The following SGPP2 variants were observed in gnomAD, a reference collection of about 807,000 sequenced individuals.
SGPP2 encodes sphingosine-1-phosphate phosphatase 2.
A neutral mutation model predicts 33.9 loss-of-function variants in SGPP2; 30 were observed. The ratio of observed to expected loss-of-function variants is 0.89; its 90% CI spans 0.66 to 1.20. SGPP2 has a LOEUF of 1.20. Ranked by LOEUF, SGPP2 falls within the 50% of genes most tolerant of loss-of-function variation. The pLI, the probability that SGPP2 is intolerant of heterozygous loss-of-function variation, is 0.00. For missense variants in SGPP2, 458 were observed against 532.1 expected, an observed-to-expected ratio of 0.86 and a Z score of 1.37; for synonymous variants, 233 against 225.0, an observed-to-expected ratio of 1.04 and a Z score of -0.32.
rs113270080 is a variant in SGPP2, at chr2:222,435,484, C to T, written c.219+10663C>T. On this transcript the variant is annotated intron_variant, in intron 1 of 4. Coordinates refer to ENST00000321276, the MANE Select transcript of SGPP2 (RefSeq NM_152386.4). ...CACTCAGTATTAACCATCACAAGTC[C>T]ACCTTTTGTCAACTTGAACCCATGT... Among the ~76,000 whole-genome samples the T allele has an allele frequency of 3.4e-3, 520 of 152,246 alleles. 4 individuals carry two copies. Among genetic ancestry groups the T allele is most frequent in the African/African-American group, 0.011 (470 of 41,540 alleles).
chr2:222,468,983 G>T, intron 1 of SGPP2, among the ~76,000 whole-genome samples: 1 of 152,010 alleles, frequency 6.6e-6, no homozygotes, highest in East Asian at 1.9e-4. Flanking sequence ...ATAATAAGGA[G>T]CCCTAGGAAA....
intron 2 of SGPP2, among the ~76,000 whole-genome samples, chr2:222,475,416 GA>G (rs35175683): frequency 0.47 from 70,558 of 151,728 alleles, 18,372 homozygotes; most frequent in African/African-American, 0.71. Context: ...GAGAAGAAAG[GA>G]ACCTTTCTAA....
chr2:222,552,518 G>T lies in SGPP2; in HGVS notation c.649-5829G>T, dbSNP rs1188391492. Among the ~76,000 whole-genome samples, 6 of 152,154 alleles carry T rather than the reference G, an allele frequency of 3.9e-5. No individual in the cohort carries two copies. The East Asian group carries it at 1.2e-3, about 29-fold the overall frequency. On this transcript the variant is annotated intron_variant, in intron 4 of 4. Transcript: ENST00000321276. Reference sequence around the variant, plus strand: ...TAAAAGACTACAAATTGGGTGCAGTGTCTACTGCTCAGGTGATAGGTACAC... The same window carrying T: ...TAAAAGACTACAAATTGGGTGCAGTTTCTACTGCTCAGGTGATAGGTACAC...
In SGPP2 at chr2:222,559,155, C is replaced by T. The variant is rs1689479229; in HGVS notation, c.*257C>T. 1.8e-5 allele frequency: 2 copies of T among 108,992 alleles called. No homozygotes were observed. The highest frequency in any genetic ancestry group is 1.5e-4 in the Admixed American group (1 of 6,530). 6.8% of individuals were successfully genotyped at this position (108,992 alleles called of 1,614,324 possible). ...CATAATCCGGATCTTTAAAGGCACA[C>T]ACCGCGCCCCCCCCCCCCCCGCCCG... On this transcript the variant is annotated 3_prime_UTR_variant, in exon 5 of 5. Transcript: ENST00000321276.
chr2:222,508,570 T>G (rs1320114507), intron 2 of SGPP2, among the ~76,000 whole-genome samples: 1 of 152,232 alleles, frequency 6.6e-6, no homozygotes, highest in Non-Finnish European at 1.5e-5. Context: ...AAAGGGAGGC[T>G]CAAGAGGTGG....
At chr2:222,544,216 G>A (rs1312524749) in intron 4 of SGPP2, among the ~76,000 whole-genome samples, 2 of 152,198 alleles carry the variant, frequency 1.3e-5, no homozygotes, top group East Asian at 3.8e-4. Flanking sequence ...GCTGTTAAAA[G>A]GCTGAACTGA....
intron 4 of SGPP2, among the ~76,000 whole-genome samples, chr2:222,537,446 C>A (rs1698931956): frequency 6.6e-6 from 1 of 151,714 alleles, no homozygotes; most frequent in African/African-American, 2.4e-5. Context: ...TAAAAATGTC[C>A]AATAAATCTA....
chr2:222,480,026 G>T (rs1259189645), intron 2 of SGPP2, among the ~76,000 whole-genome samples: 1 of 152,186 alleles, frequency 6.6e-6, no homozygotes, highest in Non-Finnish European at 1.5e-5. Flanking sequence ...TGGATTTTCT[G>T]ATTAGAATGC....
intron 1 of SGPP2, among the ~76,000 whole-genome samples, chr2:222,434,975 T>TACAC (rs71053082): frequency 0.013 from 1,907 of 145,994 alleles, 29 homozygotes; most frequent in African/African-American, 0.032. Flanking sequence ...TGGAGATATA[T>TACAC]ACACACACAC....
chr2:222,474,981 G>A lies in SGPP2; in HGVS notation c.378+255G>A, dbSNP rs549841629. ...GTCCTTTAATGATGCCTACATCTTT[G>A]CAGAATTCAGGACTCTCCCAAAATT... On this transcript the variant is annotated intron_variant, in intron 2 of 4. Coordinates refer to ENST00000321276, the MANE Select transcript of SGPP2 (RefSeq NM_152386.4). Among the ~76,000 whole-genome samples, 122 of 152,242 alleles carry A rather than the reference G, an allele frequency of 8.0e-4. 5 individuals carry two copies. In the South Asian group the frequency reaches 0.024, roughly 31 times the overall value.
Position 222,477,554 on chromosome 2 carries a change from T to C in SGPP2, c.378+2828T>C, listed in dbSNP as rs1697965133. Among the ~76,000 whole-genome samples, 1 of 151,978 alleles carries C rather than the reference T, an allele frequency of 6.6e-6. No individual in the cohort carries two copies. The highest frequency in any genetic ancestry group is 2.4e-5 in the African/African-American group (1 of 41,332). On this transcript the variant is annotated intron_variant, in intron 2 of 4. Transcript: ENST00000321276. This position sits in a 1 kb window ranked among gnomAD's most constrained non-coding sequence, Gnocchi z 6.0. ...ATGTGTATTTGTGTTTATAGGTGTGTATATATGTGTGAGTGTATGTATATA... is the reference window on the plus strand; with the variant it reads ...ATGTGTATTTGTGTTTATAGGTGTGCATATATGTGTGAGTGTATGTATATA...
At chr2:222,445,149 C>A (rs1285145182) in intron 1 of SGPP2, among the ~76,000 whole-genome samples, 2 of 152,172 alleles carry the variant, frequency 1.3e-5, no homozygotes, top group Non-Finnish European at 2.9e-5. Flanking sequence ...TAACTAATTG[C>A]TGCTGCTGCT....
At chr2:222,446,332 C>CAAAA (rs896609997) in intron 1 of SGPP2, among the ~76,000 whole-genome samples, 1 of 151,684 alleles carries the variant, frequency 6.6e-6, no homozygotes, top group African/African-American at 2.4e-5. Context: ...AAACACAAAA[C>CAAAA]AAACAACCCA....
intron 1 of SGPP2, among the ~76,000 whole-genome samples, chr2:222,459,142 C>CTTTCTTTT (rs1414316448): frequency 2.4e-3 from 230 of 94,518 alleles, no homozygotes; most frequent in Non-Finnish European, 3.4e-3. Context: ...TTCTTTCTTT[C>CTTTCTTTT]TTTTTTTTTT....
Position 222,474,679 on chromosome 2 carries a change from T to G in SGPP2, c.331T>G (p.Trp111Gly). Residue 111 changes from tryptophan to glycine, a missense_variant, in exon 2 of 5, where the codon TGG becomes GGG. Physicochemically the swap from Trp to Gly is radical, Grantham distance 184. Coordinates refer to ENST00000321276, the MANE Select transcript of SGPP2 (RefSeq NM_152386.4). ...FYITFLPFTH[W>G]NIDPYLSRRL... Reference sequence around the variant, plus strand: ...CATCACGTTTCTTCCATTCACTCACTGGAATATTGACCCTTATTTATCCAG... The same window carrying G: ...CATCACGTTTCTTCCATTCACTCACGGGAATATTGACCCTTATTTATCCAG... The G allele has an allele frequency of 6.2e-7, 1 of 1,614,034 alleles. No homozygotes were observed. The highest frequency in any genetic ancestry group is 8.5e-7 in the Non-Finnish European group (1 of 1,179,914).
At chr2:222,506,249 T>A (rs1044550653) in intron 2 of SGPP2, among the ~76,000 whole-genome samples, 2 of 152,244 alleles carry the variant, frequency 1.3e-5, no homozygotes, top group African/African-American at 4.8e-5. Flanking sequence ...CTCTTAAAGT[T>A]CTGATGTATT....
intron 2 of SGPP2, among the ~76,000 whole-genome samples, chr2:222,512,402 T>A (rs931263502): frequency 2.0e-5 from 3 of 151,770 alleles, no homozygotes; most frequent in Non-Finnish European, 4.4e-5. Flanking sequence ...CCACGCCACA[T>A]ACACACAACC....
Position 222,528,435 on chromosome 2 carries a change from A to G in SGPP2, c.648+3402A>G, listed in dbSNP as rs550318065. Among the ~76,000 whole-genome samples the G allele has an allele frequency of 1.5e-3, 228 of 151,892 alleles. 1 individual carries two copies. Among genetic ancestry groups the G allele is most frequent in the Admixed American group, 0.013 (192 of 15,268 alleles). ...TAAGTGTGCAATTACATTATGTCTA[A>G]AAAAAAGCAATGTACATATAATATC... is the stretch of plus-strand genomic sequence containing the variant. On this transcript the variant is annotated intron_variant, in intron 4 of 4. Transcript: ENST00000321276.
chr2:222,453,234 A>T, intron 1 of SGPP2: 1 of 767,768 alleles, frequency 1.3e-6, no homozygotes. Context: ...ATAGGTGAAG[A>T]TTCTTTACAA....
Sources: allele counts gnomAD v4.1 joint callset (sites outside exome capture counted in the v4.1 genomes callset), GRCh38; gene constraint gnomAD v4.1.1; non-coding constraint Gnocchi (gnomAD v3.1); transcripts MANE v1.5; gene names NCBI Gene and HGNC (gene_info 2026-07-23, HGNC 2026-07-21).